Variants in CERT1 observed in about 807,000 individuals in gnomAD.
CERT1 encodes the protein ceramide transporter 1.
A neutral mutation model predicts 87.9 loss-of-function variants in CERT1; 31 were observed. The observed-to-expected ratio is 0.35, with a 90% confidence interval of 0.27 to 0.48. The LOEUF (loss-of-function observed/expected upper bound fraction) is 0.48, where lower values mean the gene tolerates loss of function less well. Among genes scored for constraint, CERT1 ranks in the 20% least tolerant of loss-of-function variants. The pLI, the probability that CERT1 is intolerant of heterozygous loss-of-function variation, is 0.99. For missense variants in CERT1, 487 were observed against 758.0 expected (o/e 0.64, Z 4.20); for synonymous variants, 289 against 250.9 (o/e 1.15, Z -1.44).
At chr5:75,406,190 C>A (rs1762700195) in intron 8 of CERT1, among the ~76,000 whole-genome samples, 1 of 152,214 alleles carries the variant, frequency 6.6e-6, no homozygotes, top group Non-Finnish European at 1.5e-5. Context: ...ACCATTCTTT[C>A]CTCTCAATTT....
intron 9 of CERT1, 99 bp downstream of exon 9, chr5:75,402,873 C>T: frequency 1.5e-6 from 1 of 678,182 alleles, no homozygotes; most frequent in Non-Finnish European, 2.6e-6. Context: ...TTATTAAGTT[C>T]ACAATGTTCA....
At chr5:75,445,099 G>A (rs187192855) in intron 3 of CERT1, among the ~76,000 whole-genome samples, 1 of 152,054 alleles carries the variant, frequency 6.6e-6, no homozygotes. Flanking sequence ...AAAAAAATAA[G>A]CAAATATTCT....
intron 2 of CERT1, among the ~76,000 whole-genome samples, chr5:75,471,858 T>G (rs1239981561): frequency 6.7e-6 from 1 of 150,136 alleles, no homozygotes. Context: ...CCCAAAGCAA[T>G]CTACAGATTC....
At chr5:75,468,743 T>C (rs1199768136) in intron 2 of CERT1, among the ~76,000 whole-genome samples, 7 of 152,158 alleles carry the variant, frequency 4.6e-5, no homozygotes, top group African/African-American at 1.7e-4. Context: ...CCTAATGCTG[T>C]AACAGTTGCA....
intron 16 of CERT1, among the ~76,000 whole-genome samples, chr5:75,380,708 G>A (rs1005882758): frequency 2.7e-5 from 4 of 150,478 alleles, no homozygotes; most frequent in African/African-American, 4.9e-5. Context: ...AACCCAGGAG[G>A]CGGAGGCTGC....
rs569689743 is a variant in CERT1 at position 75,471,829 on chromosome 5, T to G, written c.232-12648A>C. Among the ~76,000 whole-genome samples, 15 of 151,502 alleles carry G rather than the reference T, an allele frequency of 9.9e-5. No individual in the cohort carries two copies. In the South Asian group the frequency reaches 2.9e-3, roughly 29 times the overall value. On this transcript the variant is annotated intron_variant, in intron 2 of 16. Transcript: ENST00000643780. ...ATCACTGTGTGACACATGACTGTAT[T>G]GTTAAAATGTCTACACTACCCAAAG...
intron 3 of CERT1, among the ~76,000 whole-genome samples, chr5:75,443,727 G>A (rs146926838): frequency 4.3e-4 from 66 of 152,218 alleles, no homozygotes; most frequent in Non-Finnish European, 7.4e-4. Context: ...ACTTAATTCT[G>A]TCTGGTCTAT....
chr5:75,454,962 C>T (rs1764918600), intron 3 of CERT1, among the ~76,000 whole-genome samples: 1 of 152,124 alleles, frequency 6.6e-6, no homozygotes, highest in African/African-American at 2.4e-5. Flanking sequence ...GTGGCTGGAC[C>T]AAGAAGAAGT....
At chr5:75,374,198 GAA>G (rs749454395), downstream of CERT1, 16,216 of 286,150 alleles carry the variant, frequency 0.057, 40 homozygotes, top group African/African-American at 0.089. Flanking sequence ...GTCACTGAAG[GAA>G]AAAAAAAAAA....
intron 2 of CERT1, among the ~76,000 whole-genome samples, chr5:75,486,046 T>C (rs372670372): frequency 6.6e-6 from 1 of 151,898 alleles, no homozygotes; most frequent in African/African-American, 2.4e-5. Flanking sequence ...CAAAGACACA[T>C]CAAACAAAGA....
chr5:75,506,678 G>A (rs1400178901), intron 1 of CERT1, among the ~76,000 whole-genome samples: 1 of 152,116 alleles, frequency 6.6e-6, no homozygotes. Flanking sequence ...TCTTTAGTAA[G>A]CTGGCATCAA....
At chr5:75,380,016 T>C (rs1203559509) in intron 16 of CERT1, among the ~76,000 whole-genome samples, 1 of 152,212 alleles carries the variant, frequency 6.6e-6, no homozygotes, top group Non-Finnish European at 1.5e-5. Flanking sequence ...CTGCAAAAAT[T>C]AGTATAGCAC....
At chr5:75,418,741 G>A (rs1763246784) in intron 6 of CERT1, among the ~76,000 whole-genome samples, 1 of 152,092 alleles carries the variant, frequency 6.6e-6, no homozygotes, top group Non-Finnish European at 1.5e-5. Context: ...AATACATACT[G>A]TATGACTCCA....
At chr5:75,478,283 C>CAG (rs1766066628) in intron 2 of CERT1, among the ~76,000 whole-genome samples, 1 of 151,392 alleles carries the variant, frequency 6.6e-6, no homozygotes. Flanking sequence ...TGCTGCATTC[C>CAG]AGCCTGGGTG....
intron 17 of CERT1, chr5:75,371,063 G>A (rs1000243151): frequency 3.9e-5 from 6 of 152,052 alleles, no homozygotes; most frequent in African/African-American, 1.5e-4. Context: ...TTCAGAGTAG[G>A]GCAATATCTC....
chr5:75,511,793 C>T (rs758623048), upstream of CERT1: 16 of 1,551,508 alleles, frequency 1.0e-5, no homozygotes, highest in Admixed American at 3.9e-5. Flanking sequence ...GGTAGAAAAG[C>T]AGGAGGAGCG....
chr5:75,424,053 A>G (rs138158810), intron 5 of CERT1, among the ~76,000 whole-genome samples: 2 of 152,344 alleles, frequency 1.3e-5, no homozygotes, highest in Admixed American at 1.3e-4. Flanking sequence ...AATTTTTGCC[A>G]TCACAATAAA....
intron 3 of CERT1, among the ~76,000 whole-genome samples, chr5:75,444,991 C>T (rs1036942096): frequency 6.6e-6 from 1 of 152,106 alleles, no homozygotes; most frequent in African/African-American, 2.4e-5. Flanking sequence ...ACTAGCTTAA[C>T]TTCAGTAACA....
At chr5:75,506,387 G>A (rs186351993) in intron 1 of CERT1, among the ~76,000 whole-genome samples, 3 of 152,148 alleles carry the variant, frequency 2.0e-5, no homozygotes, top group African/African-American at 4.8e-5. Flanking sequence ...AGAATAAAAC[G>A]AAAGCCAGAT....
Sources: gnomAD v4.1 joint callset for allele counts (sites outside exome capture counted in the v4.1 genomes callset) on GRCh38, gnomAD v4.1.1 for gene constraint, MANE v1.5 for transcripts, NCBI Gene and HGNC (gene_info 2026-07-23, HGNC 2026-07-21) for gene names.